The following SRRM4 variants were observed in gnomAD, a reference collection of about 807,000 sequenced individuals.
SRRM4 encodes the protein serine/arginine repetitive matrix protein 4.
In SRRM4, 33 loss-of-function variants were observed where a neutral mutation model predicts 68.9. The ratio of observed to expected loss-of-function variants is 0.48; its 90% CI spans 0.36 to 0.64. The LOEUF (loss-of-function observed/expected upper bound fraction) is 0.64, where lower values mean the gene tolerates loss of function less well. SRRM4 is among the 30% of genes least tolerant of loss of function. SRRM4 has a pLI of 0.00. For synonymous variants in SRRM4, 318 were observed against 318.8 expected (o/e 1.00, Z 0.03); for missense variants, 817 against 827.1 (o/e 0.99, Z 0.15).
chr12:119,021,294 C>T (rs946462538), intron 1 of SRRM4, among the ~76,000 whole-genome samples: 2 of 152,126 alleles, frequency 1.3e-5, no homozygotes, highest in African/African-American at 4.8e-5. Flanking sequence ...ATCCTATGGT[C>T]ATAGTGTCTC....
chr12:119,043,808 A>AC (rs60118462), intron 1 of SRRM4, among the ~76,000 whole-genome samples: 30 of 150,912 alleles, frequency 2.0e-4, no homozygotes, highest in Non-Finnish European at 4.1e-4. Context: ...ACACACACAC[A>AC]AGTCTTGGGC....
At chr12:119,121,956 A>G (rs1207263376) in intron 5 of SRRM4, 114 bp from the exon 6 acceptor site, 1 of 715,312 alleles carries the variant, frequency 1.4e-6, no homozygotes, top group Non-Finnish European at 2.5e-6. Flanking sequence ...GGCAATGATC[A>G]GTGTCCATTC....
intron 1 of SRRM4, among the ~76,000 whole-genome samples, chr12:119,098,302 T>C (rs1183100024): frequency 6.6e-6 from 1 of 152,146 alleles, no homozygotes; most frequent in Admixed American, 6.5e-5. Context: ...CTAAAAGAAA[T>C]ATGAGGTTGA....
At chr12:119,053,619 G>A (rs1953758405) in intron 1 of SRRM4, among the ~76,000 whole-genome samples, 1 of 152,178 alleles carries the variant, frequency 6.6e-6, no homozygotes, top group Non-Finnish European at 1.5e-5. Context: ...ACATAGTAGG[G>A]ACTCAACAAG....
At chr12:119,041,931 A>G (rs1953671373) in intron 1 of SRRM4, among the ~76,000 whole-genome samples, 1 of 152,146 alleles carries the variant, frequency 6.6e-6, no homozygotes, top group Non-Finnish European at 1.5e-5. Context: ...GCCTTGCTTT[A>G]AGGCGGTGGG....
chr12:119,153,957 G>T (rs78896165), intron 11 of SRRM4, among the ~76,000 whole-genome samples: 2,172 of 151,914 alleles, frequency 0.014, 59 homozygotes, highest in African/African-American at 0.05. Context: ...CAGGGCCTGC[G>T]TAACATTCAC....
chr12:119,044,563 T>C (rs1372558803), intron 1 of SRRM4, among the ~76,000 whole-genome samples: 3 of 152,154 alleles, frequency 2.0e-5, no homozygotes, highest in Admixed American at 1.3e-4. Flanking sequence ...TGCCATGCCA[T>C]GGTTATGGGC....
chr12:119,131,583 T>A (rs527525133), intron 8 of SRRM4, among the ~76,000 whole-genome samples: 2 of 152,318 alleles, frequency 1.3e-5, no homozygotes, highest in Admixed American at 1.3e-4. Flanking sequence ...CTTCATATAG[T>A]TTGACACCAT....
intron 8 of SRRM4, among the ~76,000 whole-genome samples, chr12:119,141,281 AAG>A (rs1309197817): frequency 1.3e-5 from 2 of 152,252 alleles, no homozygotes; most frequent in Non-Finnish European, 2.9e-5. Flanking sequence ...GCATAAAGAA[AAG>A]ATAAATGTTT....
chr12:118,993,566 A>G (rs1462060434), intron 1 of SRRM4, among the ~76,000 whole-genome samples: 3 of 152,142 alleles, frequency 2.0e-5, no homozygotes, highest in Non-Finnish European at 4.4e-5. Context: ...ACAGGCCCCA[A>G]ACTGCAGTGG....
chr12:119,011,717 G>A (rs1219460055), intron 1 of SRRM4, among the ~76,000 whole-genome samples: 1 of 152,232 alleles, frequency 6.6e-6, no homozygotes, highest in Non-Finnish European at 1.5e-5. Flanking sequence ...GAAAGGAGGA[G>A]CATGTGATTG....
chr12:119,077,288 C>T (rs978584091), intron 1 of SRRM4, among the ~76,000 whole-genome samples: 2 of 152,062 alleles, frequency 1.3e-5, no homozygotes, highest in Non-Finnish European at 2.9e-5. Flanking sequence ...CTGATGTGGG[C>T]CCAGAAGTTT....
intron 1 of SRRM4, among the ~76,000 whole-genome samples, chr12:119,090,004 C>CAGCAA (rs1421812216): frequency 1.3e-5 from 2 of 152,082 alleles, no homozygotes; most frequent in Admixed American, 1.3e-4. Context: ...AGCCAGGAAG[C>CAGCAA]AGCAAAGCAG....
chr12:119,111,409 G>C (rs183238721), intron 2 of SRRM4, among the ~76,000 whole-genome samples: 1 of 152,240 alleles, frequency 6.6e-6, no homozygotes, highest in African/African-American at 2.4e-5. Context: ...CAAATTCAAG[G>C]GCTTTCTGAG....
rs368207573 is a variant in SRRM4, at chr12:119,151,066, T to G, written c.1126T>G (p.Leu376Val). Residue 376 changes from leucine (L) to valine (V), a missense_variant, in exon 10 of 13, where the codon TTG becomes GTG. Physicochemically the swap from Leu to Val is conservative, Grantham distance 32. Transcript: ENST00000267260. ...ATGTGCCGAAGTGAAGAAGTCCAGTTTGGTCCCATCCACAGCCCGGAGCTC... is the reference window on the plus strand; with the variant it reads ...ATGTGCCGAAGTGAAGAAGTCCAGTGTGGTCCCATCCACAGCCCGGAGCTC... ...LECAEVKKSS[L>V]VPSTARSSPM... The G allele has an allele frequency of 2.2e-5, 36 of 1,613,966 alleles. No individual in the cohort carries two copies. The African/African-American group carries it at 3.5e-4, about 16-fold the overall frequency.
At chr12:119,086,392 C>A (rs1234863260) in intron 1 of SRRM4, among the ~76,000 whole-genome samples, 1 of 152,164 alleles carries the variant, frequency 6.6e-6, no homozygotes, top group Non-Finnish European at 1.5e-5. Flanking sequence ...CAGGTCCCAC[C>A]ACCAGGGGCT....
intron 1 of SRRM4, among the ~76,000 whole-genome samples, chr12:119,081,442 G>C (rs142599932): frequency 6.6e-6 from 1 of 152,336 alleles, no homozygotes; most frequent in East Asian, 1.9e-4. Context: ...AGGCAGGAGT[G>C]TAACTGGTGC....
intron 1 of SRRM4, among the ~76,000 whole-genome samples, chr12:118,983,624 A>G (rs750769961): frequency 3.7e-4 from 56 of 152,120 alleles, no homozygotes; most frequent in Non-Finnish European, 6.8e-4. Context: ...TTCACAGGAA[A>G]CTAGAAGTAT....
intron 2 of SRRM4, 118 bp downstream of exon 2, chr12:119,102,500 T>A: frequency 2.6e-6 from 2 of 777,230 alleles, no homozygotes; most frequent in Non-Finnish European, 4.0e-6. Flanking sequence ...CAAGGGTTAG[T>A]AAATATTTAC....
Sources: gnomAD v4.1 joint callset for allele counts (sites outside exome capture counted in the v4.1 genomes callset) on GRCh38, gnomAD v4.1.1 for gene constraint, MANE v1.5 for transcripts, NCBI Gene and HGNC (gene_info 2026-07-23, HGNC 2026-07-21) for gene names.